Variants in UBE2H observed in about 807,000 individuals in gnomAD.
UBE2H encodes the protein ubiquitin conjugating enzyme E2 H, also known as ubiquitin-conjugating enzyme E2 H.
UBE2H carries 3 observed loss-of-function variants against 29.0 expected under a neutral mutation model. The ratio of observed to expected loss-of-function variants is 0.10; its 90% confidence interval spans 0.05 to 0.27. The LOEUF (loss-of-function observed/expected upper bound fraction) is 0.27, where lower values mean the gene tolerates loss of function less well. UBE2H is among the 10% of genes least tolerant of loss of function. The pLI, the probability that UBE2H is intolerant of heterozygous loss-of-function variation, is 1.00. For missense variants in UBE2H, 68 were observed against 228.2 expected, an observed-to-expected ratio of 0.30 and a Z score of 4.52; for synonymous variants, 69 against 82.9, an observed-to-expected ratio of 0.83 and a Z score of 0.91.
chr7:129,951,900 C>T (rs1807883704), intron 1 of UBE2H, among the ~76,000 whole-genome samples: 1 of 152,072 alleles, frequency 6.6e-6, no homozygotes, highest in Non-Finnish European at 1.5e-5. Context: ...TAGGGTTCTC[C>T]CGGGGACCAG....
chr7:129,952,688 AGCCGCCGCC>A lies in UBE2H; in HGVS notation c.-142_-134del. 5.8e-6 allele frequency: 6 copies of A among 1,035,584 alleles called. No homozygotes were observed. The highest frequency in any genetic ancestry group is 7.7e-6 in the Non-Finnish European group (6 of 776,944). 64.1% of individuals were successfully genotyped at this position (1,035,584 alleles called of 1,614,324 possible). A position where few individuals can be genotyped will look rare whatever the true frequency, so the allele number is the denominator to read the frequency against. On this transcript the variant is annotated 5_prime_UTR_variant, in exon 1 of 7. Coordinates refer to ENST00000355621, the MANE Select transcript of UBE2H (RefSeq NM_003344.4). ...CCCCCGCGGTCCCGGCGGTCCCGTC[AGCCGCCGCC>A]GCCGCCCCCCGCACGGGGGAACACC...
chr7:129,874,466 C>T (rs915032563), intron 3 of UBE2H, among the ~76,000 whole-genome samples: 4 of 151,906 alleles, frequency 2.6e-5, no homozygotes, highest in African/African-American at 4.8e-5. Context: ...CCCGCCACCA[C>T]GCCCAGCTAA....
intron 1 of UBE2H, among the ~76,000 whole-genome samples, chr7:129,932,687 T>C (rs1807431782): frequency 1.3e-5 from 2 of 149,908 alleles, no homozygotes; most frequent in African/African-American, 4.9e-5. Context: ...GGCAGAAGAA[T>C]TGCCTGAACC....
chr7:129,844,439 A>G (rs1393603514), intron 5 of UBE2H, among the ~76,000 whole-genome samples: 1 of 152,270 alleles, frequency 6.6e-6, no homozygotes, highest in Non-Finnish European at 1.5e-5. Flanking sequence ...TCATCTGTAG[A>G]AAAATAAAGA....
At chr7:129,881,842 T>C (rs1467362623) in intron 1 of UBE2H, among the ~76,000 whole-genome samples, 2 of 152,114 alleles carry the variant, frequency 1.3e-5, no homozygotes, top group Admixed American at 1.3e-4. Context: ...AAACGAGGGA[T>C]TTACTAAGGA....
intron 1 of UBE2H, among the ~76,000 whole-genome samples, chr7:129,944,273 G>A (rs1198754767): frequency 1.3e-5 from 2 of 152,078 alleles, no homozygotes; most frequent in Non-Finnish European, 2.9e-5. Context: ...GGAGAATGGC[G>A]TGAACCCAGG....
At chr7:129,898,375 A>G (rs910972358) in intron 1 of UBE2H, among the ~76,000 whole-genome samples, 2 of 152,238 alleles carry the variant, frequency 1.3e-5, no homozygotes, top group African/African-American at 4.8e-5. Context: ...ACAGTATAAA[A>G]GAAACCAACC....
intron 5 of UBE2H, among the ~76,000 whole-genome samples, chr7:129,840,979 C>T (rs62491492): frequency 0.15 from 22,136 of 152,114 alleles, 1,684 homozygotes; most frequent in Admixed American, 0.2. Context: ...CATATCTAAG[C>T]GGTGCTACTG....
At chr7:129,945,380 A>T (rs557369067) in intron 1 of UBE2H, among the ~76,000 whole-genome samples, 3 of 152,338 alleles carry the variant, frequency 2.0e-5, no homozygotes, top group African/African-American at 7.2e-5. Context: ...GCACTCTGAG[A>T]ATACAAAATT....
chr7:129,847,590 G>A (rs1477597980), intron 5 of UBE2H, among the ~76,000 whole-genome samples: 2 of 151,608 alleles, frequency 1.3e-5, no homozygotes, highest in Non-Finnish European at 2.9e-5. Context: ...GATCCTCTTC[G>A]CCTTGGCCTC....
rs185903559 is a variant in UBE2H at position 129,892,408 on chromosome 7, C to T, written c.54-11437G>A. On this transcript the variant is annotated intron_variant, in intron 1 of 6. Transcript: ENST00000355621. ...CTGGGATTACAGGTGCACACCACCA[C>T]GCCCGGCTAATTTTTGTATTTTTAG... Among the ~76,000 whole-genome samples the T allele has an allele frequency of 1.2e-3, 179 of 152,040 alleles. 1 individual carries two copies. The highest frequency in any genetic ancestry group is 3.8e-3 in the African/African-American group (156 of 41,450).
intron 1 of UBE2H, among the ~76,000 whole-genome samples, chr7:129,899,441 G>A (rs935392915): frequency 2.0e-5 from 3 of 152,080 alleles, no homozygotes; most frequent in African/African-American, 4.8e-5. Context: ...ATTGCCAAAC[G>A]CAGCTCAAAT....
At chr7:129,858,666 A>G (rs1584748277) in intron 4 of UBE2H, among the ~76,000 whole-genome samples, 1 of 152,346 alleles carries the variant, frequency 6.6e-6, no homozygotes, top group Non-Finnish European at 1.5e-5. Context: ...CTGGGTAACA[A>G]GAAAAATGAA....
intron 1 of UBE2H, among the ~76,000 whole-genome samples, chr7:129,908,421 T>C (rs746378221): frequency 6.6e-6 from 1 of 152,248 alleles, no homozygotes; most frequent in Non-Finnish European, 1.5e-5. Flanking sequence ...TATTGGAATA[T>C]GCTTTCCTAG....
At chr7:129,851,404 T>G (rs1394272721) in intron 5 of UBE2H, among the ~76,000 whole-genome samples, 1 of 152,210 alleles carries the variant, frequency 6.6e-6, no homozygotes, top group Non-Finnish European at 1.5e-5. Context: ...TGGATAGTCT[T>G]GCTGTCATAC....
At chr7:129,890,950 T>C (rs541073184) in intron 1 of UBE2H, among the ~76,000 whole-genome samples, 37 of 151,602 alleles carry the variant, frequency 2.4e-4, no homozygotes, top group Non-Finnish European at 5.2e-4. Flanking sequence ...CTGGCCAAAA[T>C]AGTGAAACCC....
chr7:129,923,709 A>G (rs1807210134), intron 1 of UBE2H, among the ~76,000 whole-genome samples: 1 of 152,218 alleles, frequency 6.6e-6, no homozygotes, highest in Non-Finnish European at 1.5e-5. Context: ...GGAGAAATTT[A>G]CTGGGTTGAA....
intron 3 of UBE2H, among the ~76,000 whole-genome samples, chr7:129,865,552 C>T (rs566880064): frequency 3.9e-5 from 6 of 152,144 alleles, no homozygotes; most frequent in Non-Finnish European, 5.9e-5. Context: ...GTAAATCCAC[C>T]CTACGGTAAA....
At chr7:129,863,810 T>G (rs1458199999) in intron 3 of UBE2H, among the ~76,000 whole-genome samples, 2 of 147,552 alleles carry the variant, frequency 1.4e-5, no homozygotes, top group African/African-American at 5.0e-5. Context: ...TACTAGGTGT[T>G]TTTTTTTTTT....
Sources: allele counts gnomAD v4.1 joint callset (sites outside exome capture counted in the v4.1 genomes callset), GRCh38; gene constraint gnomAD v4.1.1; transcripts MANE v1.5; gene names NCBI Gene and HGNC (gene_info 2026-07-23, HGNC 2026-07-21).